MDGA2: variants seen among roughly 807,000 people sequenced by gnomAD.
The protein encoded by MDGA2 is MAM domain containing glycosylphosphatidylinositol anchor 2, also known as MAM domain-containing glycosylphosphatidylinositol anchor protein 2.
MDGA2 carries 40 observed loss-of-function variants against 117.8 expected under a neutral mutation model. The observed-to-expected ratio is 0.34, with a 90% CI of 0.26 to 0.44. The LOEUF (loss-of-function observed/expected upper bound fraction) is 0.44, where lower values mean the gene tolerates loss of function less well. MDGA2 is among the 20% of genes least tolerant of loss of function. MDGA2 has a pLI of 1.00. For missense variants in MDGA2, 1,123 were observed against 1,250.6 expected, an observed-to-expected ratio of 0.90 and a Z score of 1.54; for synonymous variants, 452 against 439.0, an observed-to-expected ratio of 1.03 and a Z score of -0.37.
intron 9 of MDGA2, among the ~76,000 whole-genome samples, chr14:46,952,899 T>C (rs1386756237): frequency 2.0e-5 from 3 of 151,896 alleles, no homozygotes; most frequent in Non-Finnish European, 2.9e-5. Flanking sequence ...AATGAAGAAT[T>C]TGCATATCAT....
chr14:46,932,830 C>A (rs1484888412), intron 9 of MDGA2, among the ~76,000 whole-genome samples: 1 of 151,438 alleles, frequency 6.6e-6, no homozygotes, highest in Non-Finnish European at 1.5e-5. Flanking sequence ...TGAAATTAAA[C>A]TGTCTTTATT....
At chr14:47,155,003 C>T (rs1120919) in intron 3 of MDGA2, among the ~76,000 whole-genome samples, 7,080 of 152,252 alleles carry the variant, frequency 0.047, 246 homozygotes, top group East Asian at 0.17. Flanking sequence ...CGATTAAAAT[C>T]CCAGACTCAG....
intron 1 of MDGA2, among the ~76,000 whole-genome samples, chr14:47,575,417 A>G (rs994069326): frequency 6.6e-6 from 1 of 152,214 alleles, no homozygotes; most frequent in African/African-American, 2.4e-5. Flanking sequence ...AAGCATAAAC[A>G]TATTTTCTGG....
chr14:47,164,487 A>G (rs1227276419), intron 3 of MDGA2, among the ~76,000 whole-genome samples: 1 of 152,236 alleles, frequency 6.6e-6, no homozygotes, highest in African/African-American at 2.4e-5. Context: ...TGCAGCCAAA[A>G]AACACATGAA....
intron 1 of MDGA2, among the ~76,000 whole-genome samples, chr14:47,431,587 G>A (rs1330337936): frequency 6.6e-6 from 1 of 152,000 alleles, no homozygotes; most frequent in Admixed American, 6.6e-5. Context: ...ACTACTAACT[G>A]TGCTTTGAAG....
At chr14:47,541,868 T>C (rs1182717170) in intron 1 of MDGA2, among the ~76,000 whole-genome samples, 1 of 152,192 alleles carries the variant, frequency 6.6e-6, no homozygotes, top group Non-Finnish European at 1.5e-5. Flanking sequence ...AGCCTGAATC[T>C]GTCTTCTGCT....
At chr14:46,911,839 A>G (rs1883717051) in intron 10 of MDGA2, among the ~76,000 whole-genome samples, 1 of 152,198 alleles carries the variant, frequency 6.6e-6, no homozygotes, top group African/African-American at 2.4e-5. Context: ...ATTAATACAA[A>G]CAAGGAAGAT....
At chr14:47,059,091 G>A in intron 7 of MDGA2, 2 of 1,020,658 alleles carry the variant, frequency 2.0e-6, no homozygotes, top group Non-Finnish European at 2.4e-6. Context: ...AAGAGGCACA[G>A]CAAATGTCTA....
intron 8 of MDGA2, among the ~76,000 whole-genome samples, chr14:46,966,361 C>G (rs1369001221): frequency 6.6e-6 from 1 of 152,128 alleles, no homozygotes; most frequent in Non-Finnish European, 1.5e-5. Flanking sequence ...TGAATTAGCT[C>G]TCTCCCTAAA....
chr14:47,461,281 G>GTGTGTGTGTGTA (rs1555324418), intron 1 of MDGA2, among the ~76,000 whole-genome samples: 1 of 151,664 alleles, frequency 6.6e-6, no homozygotes, highest in African/African-American at 2.4e-5. Context: ...GTGTGTGTGT[G>GTGTGTGTGTGTA]TGTGTGTGTG....
intron 2 of MDGA2, 104 bp downstream of exon 2, chr14:47,301,295 CCACACACACACA>C (rs71112491): frequency 2.5e-5 from 24 of 951,438 alleles, no homozygotes; most frequent in African/African-American, 3.5e-5. Flanking sequence ...CCACACCCAC[CCACACACACACA>C]CACACACACA....
intron 1 of MDGA2, among the ~76,000 whole-genome samples, chr14:47,493,988 G>A (rs1278761100): frequency 6.6e-6 from 1 of 152,118 alleles, no homozygotes; most frequent in African/African-American, 2.4e-5. Flanking sequence ...AGGTCATAAG[G>A]TTGGTTCCCC....
intron 1 of MDGA2, among the ~76,000 whole-genome samples, chr14:47,590,239 A>C (rs1392707888): frequency 3.3e-5 from 5 of 151,968 alleles, no homozygotes; most frequent in African/African-American, 1.2e-4. Context: ...GTTAACCAGA[A>C]GTAGTAGGAG....
intron 3 of MDGA2, among the ~76,000 whole-genome samples, chr14:47,167,851 C>T (rs1225945006): frequency 6.6e-6 from 1 of 152,000 alleles, no homozygotes; most frequent in Non-Finnish European, 1.5e-5. Context: ...CTTGGTAGAC[C>T]AGCCTTGCAA....
chr14:47,059,177 T>C, intron 7 of MDGA2: 4 of 807,302 alleles, frequency 5.0e-6, no homozygotes, highest in Non-Finnish European at 6.7e-6. Context: ...TGTTAGTTAA[T>C]AATTATCTGT....
intron 1 of MDGA2, among the ~76,000 whole-genome samples, chr14:47,561,006 T>C (rs1895788526): frequency 1.3e-5 from 2 of 152,136 alleles, no homozygotes; most frequent in South Asian, 4.2e-4. Flanking sequence ...TGGTTATAGG[T>C]GTGCAGCATT....
intron 1 of MDGA2, among the ~76,000 whole-genome samples, chr14:47,621,721 G>T (rs1396538466): frequency 6.6e-6 from 1 of 152,188 alleles, no homozygotes; most frequent in African/African-American, 2.4e-5. Flanking sequence ...TGGTCTGAAT[G>T]TTGGTAACCC....
intron 2 of MDGA2, among the ~76,000 whole-genome samples, chr14:47,298,683 C>CT (rs66784813): frequency 0.26 from 32,799 of 125,834 alleles, 5,202 homozygotes; most frequent in Admixed American, 0.42. Context: ...CTTAATTTTT[C>CT]TTTTTTTTTT....
chr14:47,185,895 T>C (rs1403074774), intron 3 of MDGA2, among the ~76,000 whole-genome samples: 2 of 151,640 alleles, frequency 1.3e-5, no homozygotes, highest in Non-Finnish European at 3.0e-5. Context: ...CCCACAAATA[T>C]AGATGACAAA....
Sources: allele counts gnomAD v4.1 joint callset (sites outside exome capture counted in the v4.1 genomes callset), GRCh38; gene constraint gnomAD v4.1.1; transcripts MANE v1.5; gene names NCBI Gene and HGNC (gene_info 2026-07-23, HGNC 2026-07-21).